Variants in NPFFR1 observed in about 807,000 individuals in gnomAD.
NPFFR1 encodes G-protein coupled receptor 147.
A neutral mutation model predicts 12.7 loss-of-function variants in NPFFR1; 17 were observed. That is an observed-to-expected ratio of 1.34 (90% CI 0.92 to 2.01). The LOEUF is 2.01. Among genes scored for constraint, NPFFR1 ranks in the 30% most tolerant of loss-of-function variants. NPFFR1 has a pLI of 0.00. For synonymous variants in NPFFR1, 296 were observed against 264.5 expected (o/e 1.12, Z -1.16); for missense variants, 604 against 606.5 (o/e 1.00, Z 0.04).
In NPFFR1 at chr10:70,255,023, G is replaced by C. The variant is rs1999624; in HGVS notation, c.1227C>G (p.His409Gln). The C allele has an allele frequency of 1.4e-6, 2 of 1,441,004 alleles. No homozygotes were observed. The highest frequency in any genetic ancestry group is 1.8e-6 in the Non-Finnish European group (2 of 1,104,324). The allele number at this position is 1,441,004 out of a possible 1,614,324, so 89.3% of individuals were successfully genotyped here. A position where few individuals can be genotyped will look rare whatever the true frequency, so the allele number is the denominator to read the frequency against. Reference protein sequence around the residue: ...LPLRNGRVAHHGLPREGPGCS... With the variant: ...LPLRNGRVAHQGLPREGPGCS... ...AGCCAGGCCCTTCCCTGGGCAAGCC[G>C]TGGTGAGCCACCCGCCCATTCCGCA... is the stretch of plus-strand genomic sequence containing the variant. The change falls in exon 4 of 4, where the codon CAC (histidine) becomes CAG (glutamine). Residue 409 changes from histidine (H) to glutamine (Q), a missense_variant. Transcript: ENST00000277942. This position sits in a 1 kb window ranked among gnomAD's most constrained non-coding sequence, Gnocchi z 4.2.
Position 70,254,870 on chromosome 10 carries a change from A to T in NPFFR1, c.*87T>A. 7.5e-7 allele frequency: 1 copy of T among 1,337,096 alleles called. No homozygotes were observed. 82.8% of individuals were successfully genotyped at this position (1,337,096 alleles called of 1,614,324 possible). On this transcript the variant is annotated 3_prime_UTR_variant, in exon 4 of 4. Coordinates refer to ENST00000277942, the MANE Select transcript of NPFFR1 (RefSeq NM_022146.5). ...GGAGAGGGAGGGACCACGCATCCTC[A>T]CCTAACCACACCAGGCCGCTATCGC...
chr10:70,270,981 T>A (rs1196639543), intron 1 of NPFFR1, among the ~76,000 whole-genome samples: 1 of 152,090 alleles, frequency 6.6e-6, no homozygotes, highest in Non-Finnish European at 1.5e-5. Context: ...GAAACAGAAA[T>A]TCTTGGGCCA....
intron 1 of NPFFR1, among the ~76,000 whole-genome samples, chr10:70,273,861 A>G (rs1341767294): frequency 6.6e-6 from 1 of 152,102 alleles, no homozygotes; most frequent in African/African-American, 2.4e-5. Context: ...AGGGGATTCA[A>G]GTTAGTCATC....
intron 1 of NPFFR1, among the ~76,000 whole-genome samples, chr10:70,272,141 G>GAAAGAA (rs779896681): frequency 1.1e-5 from 1 of 90,688 alleles, no homozygotes; most frequent in Non-Finnish European, 2.1e-5. Flanking sequence ...AAGAAATAAA[G>GAAAGAA]AGAAAGGGAG....
chr10:70,259,602 C>T (rs1840613186), intron 3 of NPFFR1, among the ~76,000 whole-genome samples: 1 of 152,190 alleles, frequency 6.6e-6, no homozygotes, highest in Non-Finnish European at 1.5e-5. Context: ...CTCCAGCTGC[C>T]TACTTCACTG....
intron 1 of NPFFR1, among the ~76,000 whole-genome samples, chr10:70,269,807 T>C (rs1003334969): frequency 2.6e-5 from 4 of 152,200 alleles, no homozygotes; most frequent in African/African-American, 9.6e-5. Flanking sequence ...CCACGCTCCT[T>C]ACCAAGGCCT....
Position 70,254,134 on chromosome 10 carries a change from C to T in NPFFR1, c.*823G>A, listed in dbSNP as rs1840538546. The T allele has an allele frequency of 6.6e-6, 1 of 152,194 alleles. No homozygotes were observed. The highest frequency in any genetic ancestry group is 2.1e-4 in the South Asian group (1 of 4,830). 9.4% of individuals were successfully genotyped at this position (152,194 alleles called of 1,614,324 possible). A position where few individuals can be genotyped will look rare whatever the true frequency, so the allele number is the denominator to read the frequency against. On this transcript the variant is annotated 3_prime_UTR_variant, in exon 4 of 4. Transcript: ENST00000277942. ...CGTTGTCTATGAGTACGTAAAAGGA[C>T]ACCTCCTGTGGCCCTGCAGCATTAC...
intron 3 of NPFFR1, among the ~76,000 whole-genome samples, chr10:70,256,608 A>G (rs1011224330): frequency 6.6e-6 from 1 of 152,232 alleles, no homozygotes; most frequent in Non-Finnish European, 1.5e-5. Flanking sequence ...ACAAGTCTGC[A>G]CCATTTATTT....
rs1840546222 is a variant in NPFFR1 at position 70,255,017 on chromosome 10, C to A, written c.1233G>T (p.Leu411Phe). Residue 411 changes from leucine (L) to phenylalanine (F), a missense_variant, in exon 4 of 4, where the codon TTG (leucine) becomes TTT (phenylalanine). Coordinates refer to ENST00000277942, the MANE Select transcript of NPFFR1 (RefSeq NM_022146.5). The surrounding 1 kb of genome is among the most constrained non-coding windows in gnomAD (Gnocchi z 4.2). Reference sequence around the variant, plus strand: ...GGGAGCAGCCAGGCCCTTCCCTGGGCAAGCCGTGGTGAGCCACCCGCCCAT... The same window carrying A: ...GGGAGCAGCCAGGCCCTTCCCTGGGAAAGCCGTGGTGAGCCACCCGCCCAT... ...LRNGRVAHHG[L>F]PREGPGCSHL... The A allele has an allele frequency of 2.1e-6, 3 of 1,442,888 alleles. No homozygotes were observed. Among genetic ancestry groups the A allele is most frequent in the Admixed American group, 2.9e-5 (1 of 34,650 alleles). 89.4% of individuals were successfully genotyped at this position (1,442,888 alleles called of 1,614,324 possible). A position where few individuals can be genotyped will look rare whatever the true frequency, so the allele number is the denominator to read the frequency against.
chr10:70,254,979 G>GT lies in NPFFR1; in HGVS notation c.1270dup (p.Thr424AsnfsTer31). On this transcript the variant is annotated frameshift_variant, in exon 4 of 4. Transcript: ENST00000277942. LOFTEE classifies it high-confidence loss of function. ...CCCTCAGATATCCCAGGCTGGAATG[G>GT]TGAGGGGCAGGTGGGAGCAGCCAGG... is the stretch of plus-strand genomic sequence containing the variant. The GT allele has an allele frequency of 2.1e-6, 3 of 1,440,112 alleles. No homozygotes were observed. The highest frequency in any genetic ancestry group is 1.9e-4 in the Middle Eastern group (1 of 5,394). The allele number at this position is 1,440,112 out of a possible 1,614,324, so 89.2% of individuals were successfully genotyped here.
At chr10:70,269,016 C>T in intron 1 of NPFFR1, among the ~76,000 whole-genome samples, 1 of 152,202 alleles carries the variant, frequency 6.6e-6, no homozygotes. Context: ...TGTCTCTTTT[C>T]CCTTCTGCAG....
chr10:70,272,039 C>A (rs1429916259), intron 1 of NPFFR1, among the ~76,000 whole-genome samples: 1 of 151,592 alleles, frequency 6.6e-6, no homozygotes, highest in Non-Finnish European at 1.5e-5. Flanking sequence ...GTCGCCTGAA[C>A]CCAGGAGGTG....
rs542491996 is a variant in NPFFR1, at chr10:70,282,615, G to A, written c.7+1055C>T. Reference sequence around the variant, plus strand: ...GGTTTTATTACCTCTTGCCACAGCTGCCTCATACTGGCGTGTTGTACAACA... The same window carrying A: ...GGTTTTATTACCTCTTGCCACAGCTACCTCATACTGGCGTGTTGTACAACA... On this transcript the variant is annotated intron_variant, in intron 1 of 3. Coordinates refer to ENST00000277942, the MANE Select transcript of NPFFR1 (RefSeq NM_022146.5). Among the ~76,000 whole-genome samples, 10 of 152,306 alleles carry A rather than the reference G, an allele frequency of 6.6e-5. No individual in the cohort carries two copies. The South Asian group carries it at 1.7e-3, about 25-fold the overall frequency.
At chr10:70,260,810 A>C (rs1840625859) in intron 2 of NPFFR1, 71 bp from the exon 3 acceptor site, 2 of 1,311,304 alleles carry the variant, frequency 1.5e-6, no homozygotes, top group African/African-American at 2.9e-5. Context: ...AAAGCCCTCC[A>C]AGCCAGGTCC....
intron 2 of NPFFR1, among the ~76,000 whole-genome samples, chr10:70,262,190 T>G (rs1448034973): frequency 6.6e-6 from 1 of 152,222 alleles, no homozygotes; most frequent in Non-Finnish European, 1.5e-5. Context: ...TTTAGAATCA[T>G]GGCAATGAAT....
intron 1 of NPFFR1, among the ~76,000 whole-genome samples, chr10:70,281,376 G>T (rs1840860538): frequency 6.6e-6 from 1 of 152,062 alleles, no homozygotes; most frequent in South Asian, 2.1e-4. Context: ...CCCCCCAGTT[G>T]CCCACAGCTA....
Position 70,251,208 on chromosome 10 carries a change from A to C in NPFFR1, c.*3749T>G, listed in dbSNP as rs1279173381. 1 of 152,234 alleles carries C rather than the reference A, an allele frequency of 6.6e-6. No homozygotes were observed. The highest frequency in any genetic ancestry group is 2.4e-5 in the African/African-American group (1 of 41,460). The allele number at this position is 152,234 out of a possible 1,614,324, so 9.4% of individuals were successfully genotyped here. A position where few individuals can be genotyped will look rare whatever the true frequency, so the allele number is the denominator to read the frequency against. Reference sequence around the variant, plus strand: ...GGGTGAGCTGAGGAAACGGGTGCAAAAAGGTACAGAGCTTAATAGCAATCC... The same window carrying C: ...GGGTGAGCTGAGGAAACGGGTGCAACAAGGTACAGAGCTTAATAGCAATCC... On this transcript the variant is annotated 3_prime_UTR_variant, in exon 4 of 4. Transcript: ENST00000277942.
chr10:70,260,678 C>G lies in NPFFR1; in HGVS notation c.384G>C (p.Ser128=). The G allele has an allele frequency of 1.2e-6, 2 of 1,611,386 alleles. No homozygotes were observed. The highest frequency in any genetic ancestry group is 1.7e-6 in the Non-Finnish European group (2 of 1,178,856). Residue 128 remains serine (S), a synonymous_variant, in exon 3 of 4, where the codon TCG becomes TCC. Transcript: ENST00000277942. The stretch of plus-strand genomic sequence containing the variant: ...TGGCCACCAGTGTGAAAACGGAAGC[C>G]GACACAGACATGCCCTGCACCAAGC... ...MSGLVQGMSV[S]ASVFTLVAIA...
At chr10:70,258,632 T>C (rs558745870) in intron 3 of NPFFR1, among the ~76,000 whole-genome samples, 1 of 152,312 alleles carries the variant, frequency 6.6e-6, no homozygotes, top group East Asian at 1.9e-4. Flanking sequence ...TCTTGAGACA[T>C]TTCAAATGCT....
Sources: gnomAD v4.1 joint callset for allele counts (sites outside exome capture counted in the v4.1 genomes callset) on GRCh38, gnomAD v4.1.1 for gene constraint, Gnocchi (gnomAD v3.1) non-coding constraint, MANE v1.5 for transcripts, NCBI Gene and HGNC (gene_info 2026-07-23, HGNC 2026-07-21) for gene names.